The following HKDC1 variants were observed in gnomAD, a reference collection of about 807,000 sequenced individuals.
The protein encoded by HKDC1 is hexokinase domain containing 1.
HKDC1 carries 66 observed loss-of-function variants against 96.6 expected under a neutral mutation model. The ratio of observed to expected loss-of-function variants is 0.68; its 90% CI spans 0.56 to 0.84. The LOEUF (loss-of-function observed/expected upper bound fraction) is 0.84, where lower values mean the gene tolerates loss of function less well. HKDC1 is among the 40% of genes least tolerant of loss of function. The probability of loss-of-function intolerance (pLI) is 0.00; values close to 1 mark genes in which losing one functional copy is unlikely to be tolerated. For synonymous variants in HKDC1, 466 were observed against 473.1 expected (o/e 0.98, Z 0.20); for missense variants, 1,211 against 1,208.1 (o/e 1.00, Z -0.04).
chr10:69,257,728 G>A (rs2132374046), intron 14 of HKDC1, among the ~76,000 whole-genome samples: 1 of 152,306 alleles, frequency 6.6e-6, no homozygotes, highest in South Asian at 2.1e-4. Flanking sequence ...TTGGCCTGGG[G>A]CTGAGGGAGC....
chr10:69,239,147 T>C lies in HKDC1; in HGVS notation c.591+10T>C. On this transcript the variant is annotated intron_variant, in intron 5 of 17. Coordinates refer to ENST00000354624, the MANE Select transcript of HKDC1 (RefSeq NM_025130.4). Reference sequence around the variant, plus strand: ...CATGAGAAGACACAAGGTGAGGAATTCACCTCGGTGTGGGAGGCTCTCCCA... The same window carrying C: ...CATGAGAAGACACAAGGTGAGGAATCCACCTCGGTGTGGGAGGCTCTCCCA... The C allele has an allele frequency of 6.2e-7, 1 of 1,609,664 alleles. No homozygotes were observed. The highest frequency in any genetic ancestry group is 1.3e-5 in the African/African-American group (1 of 74,944).
At chr10:69,223,336 T>C (rs564893797) in intron 1 of HKDC1, 28 of 152,354 alleles carry the variant, frequency 1.8e-4, no homozygotes, top group Admixed American at 1.6e-3. Context: ...TCCTAGTTTT[T>C]CTTCATCCTG....
Position 69,220,401 on chromosome 10 carries a change from T to G in HKDC1, c.-35T>G. 6.4e-7 allele frequency: 1 copy of G among 1,551,040 alleles called. No individual in the cohort carries two copies. Among genetic ancestry groups the G allele is most frequent in the Non-Finnish European group, 8.8e-7 (1 of 1,140,938 alleles). ...TAGGAGTGAACACTGCACAGGAATC[T>G]CTGCCCATCTCAGGAGAAACCAAAC... is the stretch of plus-strand genomic sequence containing the variant. On this transcript the variant is annotated 5_prime_UTR_variant, in exon 1 of 18. Transcript: ENST00000354624.
Position 69,265,693 on chromosome 10 carries a change from G to A in HKDC1, c.2481G>A (p.Arg827=). The change falls in exon 17 of 18, where the codon CGG becomes CGA. Residue 827 remains arginine (R), a synonymous_variant. Transcript: ENST00000354624. ...VVKEVCGAVS[R]RAAQLCGAGL... is the part of the protein sequence containing the mutation. ...AGGAGGTGTGCGGAGCCGTGTCCCG[G>A]CGGGCGGCCCAGCTCTGCGGTGCTG... The A allele has an allele frequency of 6.2e-7, 1 of 1,613,562 alleles. No individual in the cohort carries two copies. Among genetic ancestry groups the A allele is most frequent in the Non-Finnish European group, 8.5e-7 (1 of 1,179,836 alleles).
intron 16 of HKDC1, chr10:69,262,039 C>A (rs566712587): frequency 9.6e-6 from 4 of 417,550 alleles, no homozygotes; most frequent in South Asian, 5.3e-5. Context: ...AGTTGTCTGT[C>A]TGTCTCTCTT....
Position 69,240,665 on chromosome 10 carries a change from A to C in HKDC1, c.605A>C (p.Asp202Ala). ...TGTGTTCGGCAGGACATGGACGTGG[A>C]CATCCTGGCCCTGGTCAATGACACC... Reference protein sequence around the residue: ...AMRRHKDMDVDILALVNDTVG... With the variant: ...AMRRHKDMDVAILALVNDTVG... Residue 202 changes from aspartate to alanine, a missense_variant, in exon 6 of 18, where the codon GAC (aspartate) becomes GCC (alanine). Coordinates refer to ENST00000354624, the MANE Select transcript of HKDC1 (RefSeq NM_025130.4). 1 of 1,613,840 alleles carries C rather than the reference A, an allele frequency of 6.2e-7. No individual in the cohort carries two copies. Among genetic ancestry groups the C allele is most frequent in the Non-Finnish European group, 8.5e-7 (1 of 1,179,858 alleles).
rs763467373 is a variant in HKDC1, at chr10:69,232,916, C to T, written c.375+4C>T. 6.2e-7 allele frequency: 1 copy of T among 1,612,214 alleles called. No individual in the cohort carries two copies. The highest frequency in any genetic ancestry group is 1.1e-5 in the South Asian group (1 of 91,078). On this transcript the variant is annotated splice_donor_region_variant and intron_variant, in intron 3 of 17. Transcript: ENST00000354624. ...CATCCGCGGGAACGGCACAGAGGTACCTGGCAGGTGGCTCCTGTGACCGCA... is the reference window on the plus strand; with the variant it reads ...CATCCGCGGGAACGGCACAGAGGTATCTGGCAGGTGGCTCCTGTGACCGCA...
intron 7 of HKDC1, among the ~76,000 whole-genome samples, chr10:69,245,383 A>T (rs1452904678): frequency 6.6e-6 from 1 of 151,936 alleles, no homozygotes; most frequent in Non-Finnish European, 1.5e-5. Flanking sequence ...CCAGGAGTTT[A>T]TGATAAGCCT....
chr10:69,239,095 G>A lies in HKDC1; in HGVS notation c.549G>A (p.Thr183=), dbSNP rs201461962. The part of the protein sequence containing the change: ...KKFKARGVQD[T]DVVSRLTKAM... ...TTAAGGCACGAGGAGTTCAGGACAC[G>A]GATGTGGTGAGCCGTCTGACCAAAG... The change falls in exon 5 of 18, where the codon ACG becomes ACA. Residue 183 remains threonine (T), a synonymous_variant. Coordinates refer to ENST00000354624, the MANE Select transcript of HKDC1 (RefSeq NM_025130.4). 95 of 1,613,986 alleles carry A rather than the reference G, an allele frequency of 5.9e-5. No individual in the cohort carries two copies. The East Asian group carries it at 6.0e-4, about 10-fold the overall frequency.
intron 15 of HKDC1, among the ~76,000 whole-genome samples, chr10:69,260,586 T>A (rs1006364286): frequency 6.6e-6 from 1 of 152,198 alleles, no homozygotes; most frequent in Non-Finnish European, 1.5e-5. Context: ...AGCACATAAA[T>A]GCTTCCCATT....
At chr10:69,247,116 C>T (rs576627233) in intron 8 of HKDC1, among the ~76,000 whole-genome samples, 8 of 152,298 alleles carry the variant, frequency 5.3e-5, no homozygotes, top group African/African-American at 1.9e-4. Flanking sequence ...CGGTGCCTCC[C>T]GCAGGATTTT....
chr10:69,262,027 T>G, intron 16 of HKDC1: 1 of 405,756 alleles, frequency 2.5e-6, no homozygotes, highest in Non-Finnish European at 4.9e-6. Context: ...TAGGTGGCAT[T>G]GAGTTGTCTG....
chr10:69,259,118 T>G (rs1106676), intron 15 of HKDC1, among the ~76,000 whole-genome samples, 159 bp downstream of exon 15: 80,850 of 152,018 alleles, frequency 0.53, 23,903 homozygotes, highest in Admixed American at 0.66. Flanking sequence ...TGATGACAAG[T>G]TTGCAACAGG....
At chr10:69,242,740 A>G (rs1277088099) in intron 6 of HKDC1, among the ~76,000 whole-genome samples, 2 of 152,236 alleles carry the variant, frequency 1.3e-5, no homozygotes, top group East Asian at 3.8e-4. Flanking sequence ...CTTATGCTAG[A>G]AACAATTTGT....
intron 12 of HKDC1, among the ~76,000 whole-genome samples, chr10:69,250,867 T>C (rs537046093): frequency 3.3e-5 from 5 of 152,136 alleles, no homozygotes; most frequent in Non-Finnish European, 7.3e-5. Context: ...TAGAGTAGTA[T>C]GCAATAAAGG....
In HKDC1 at chr10:69,231,678, A is replaced by G. The variant is rs1204507906; in HGVS notation, c.227-1086A>G. Among the ~76,000 whole-genome samples, 3 of 152,244 alleles carry G rather than the reference A, an allele frequency of 2.0e-5. No individual in the cohort carries two copies. The East Asian group carries it at 5.8e-4, about 29-fold the overall frequency. ...ATTTATGCGCCTGTATTTCGGATCA[A>G]TTTCCCAGGGAGCACACCGTCTTTC... On this transcript the variant is annotated intron_variant, in intron 2 of 17. Transcript: ENST00000354624.
At chr10:69,247,128 G>C (rs971913097) in intron 8 of HKDC1, among the ~76,000 whole-genome samples, 1 of 152,196 alleles carries the variant, frequency 6.6e-6, no homozygotes, top group African/African-American at 2.4e-5. Context: ...CAGGATTTTT[G>C]TGGGCGTTGA....
chr10:69,258,749 C>G, intron 14 of HKDC1, 27 bp from the exon 15 acceptor site: 1 of 1,612,458 alleles, frequency 6.2e-7, no homozygotes, highest in Non-Finnish European at 8.5e-7. Flanking sequence ...TCTTTGAAGA[C>G]TAAGGTTCCT....
intron 4 of HKDC1, among the ~76,000 whole-genome samples, chr10:69,233,580 A>G (rs1843309233): frequency 6.6e-6 from 1 of 152,102 alleles, no homozygotes. Context: ...CCCTGTAGTG[A>G]GCCCTCAGGA....
Sources: gnomAD v4.1 joint callset for allele counts (sites outside exome capture counted in the v4.1 genomes callset) on GRCh38, gnomAD v4.1.1 for gene constraint, MANE v1.5 for transcripts, NCBI Gene and HGNC (gene_info 2026-07-23, HGNC 2026-07-21) for gene names.